The following HS6ST3 variants were observed in gnomAD, a reference collection of about 807,000 sequenced individuals.
HS6ST3 encodes the protein heparan-sulfate 6-O-sulfotransferase 3.
HS6ST3 carries 12 observed loss-of-function variants against 36.7 expected under a neutral mutation model. The ratio of observed to expected loss-of-function variants is 0.33; its 90% confidence interval spans 0.21 to 0.53. HS6ST3 has a LOEUF of 0.53. HS6ST3 is among the 20% of genes least tolerant of loss of function. The pLI, the probability that HS6ST3 is intolerant of heterozygous loss-of-function variation, is 0.95. For synonymous variants in HS6ST3, 240 were observed against 257.5 expected, an observed-to-expected ratio of 0.93 and a Z score of 0.65; for missense variants, 584 against 640.9, an observed-to-expected ratio of 0.91 and a Z score of 0.96.
At chr13:96,638,989 T>C (rs2056560613) in intron 1 of HS6ST3, among the ~76,000 whole-genome samples, 1 of 152,060 alleles carries the variant, frequency 6.6e-6, no homozygotes, top group South Asian at 2.1e-4. Context: ...ACATATGGTC[T>C]ATATGGAGAG....
chr13:96,464,223 T>C (rs939646022), intron 1 of HS6ST3, among the ~76,000 whole-genome samples: 1 of 147,442 alleles, frequency 6.8e-6, no homozygotes, highest in Non-Finnish European at 1.5e-5. Context: ...CCCCTCATCA[T>C]GATGATTGCT....
chr13:96,335,206 C>T (rs947019853), intron 1 of HS6ST3, among the ~76,000 whole-genome samples: 1 of 152,080 alleles, frequency 6.6e-6, no homozygotes, highest in African/African-American at 2.4e-5. Flanking sequence ...AGCCTGGGAC[C>T]ACACCAAGGG....
chr13:96,254,157 T>G (rs1403416393), intron 1 of HS6ST3, among the ~76,000 whole-genome samples: 2 of 151,952 alleles, frequency 1.3e-5, no homozygotes, highest in African/African-American at 4.8e-5. Context: ...GGCTCATGCC[T>G]GTAATCCCAG....
intron 1 of HS6ST3, among the ~76,000 whole-genome samples, chr13:96,255,536 A>G (rs1280643543): frequency 6.6e-6 from 1 of 152,164 alleles, no homozygotes; most frequent in African/African-American, 2.4e-5. Context: ...CTAAAATTCT[A>G]GGGCTCTCAA....
chr13:96,574,483 G>A (rs963480958), intron 1 of HS6ST3: 29 of 427,326 alleles, frequency 6.8e-5, no homozygotes, highest in Admixed American at 4.3e-4. Context: ...TTCATGCCCC[G>A]CCCCCTACAA....
At chr13:96,658,358 G>C (rs1347077333) in intron 1 of HS6ST3, among the ~76,000 whole-genome samples, 1 of 139,766 alleles carries the variant, frequency 7.2e-6, no homozygotes, top group Non-Finnish European at 1.5e-5. Context: ...TTGGCTCACT[G>C]CAACCTCTGC....
chr13:96,346,479 G>T (rs1287811925), intron 1 of HS6ST3, among the ~76,000 whole-genome samples: 1 of 151,866 alleles, frequency 6.6e-6, no homozygotes, highest in Non-Finnish European at 1.5e-5. Flanking sequence ...GGAGGCTGAG[G>T]CAGGAGAATG....
chr13:96,275,635 A>G (rs2054744488), intron 1 of HS6ST3, among the ~76,000 whole-genome samples: 1 of 152,214 alleles, frequency 6.6e-6, no homozygotes. Context: ...TATCTAGGGT[A>G]AAAATGCAAT....
At chr13:96,573,852 C>T (rs552256771) in intron 1 of HS6ST3, 417 of 440,848 alleles carry the variant, frequency 9.5e-4, no homozygotes, top group Non-Finnish European at 1.6e-3. Flanking sequence ...TCCCATCACA[C>T]GAATGAATCC....
chr13:96,648,222 T>C (rs2056595414), intron 1 of HS6ST3, among the ~76,000 whole-genome samples: 1 of 152,034 alleles, frequency 6.6e-6, no homozygotes, highest in Non-Finnish European at 1.5e-5. Flanking sequence ...ACACAAGCTG[T>C]CACCTGAAAT....
At chr13:96,392,880 A>G (rs1229376749) in intron 1 of HS6ST3, among the ~76,000 whole-genome samples, 1 of 152,090 alleles carries the variant, frequency 6.6e-6, no homozygotes, top group Non-Finnish European at 1.5e-5. Flanking sequence ...ACATTAGCAT[A>G]TTGTCATTCT....
At chr13:96,395,518 T>C (rs2055416536) in intron 1 of HS6ST3, among the ~76,000 whole-genome samples, 1 of 152,180 alleles carries the variant, frequency 6.6e-6, no homozygotes, top group Admixed American at 6.5e-5. Flanking sequence ...CCTCCCAGTA[T>C]GTGAAACGCC....
At chr13:96,132,789 C>A (rs2053982710) in intron 1 of HS6ST3, among the ~76,000 whole-genome samples, 1 of 152,092 alleles carries the variant, frequency 6.6e-6, no homozygotes, top group South Asian at 2.1e-4. Context: ...CCCTTGTTAT[C>A]TTTTGTCTTT....
chr13:96,330,952 C>T (rs1295503186), intron 1 of HS6ST3, among the ~76,000 whole-genome samples: 1 of 151,832 alleles, frequency 6.6e-6, no homozygotes, highest in Non-Finnish European at 1.5e-5. Context: ...ATCGCTGATA[C>T]CCTTTCTTCC....
intron 1 of HS6ST3, among the ~76,000 whole-genome samples, chr13:96,164,710 G>A (rs563989282): frequency 6.6e-6 from 1 of 152,310 alleles, no homozygotes; most frequent in Non-Finnish European, 1.5e-5. Context: ...AGAAGAAAGG[G>A]ATGATTAGAA....
At chr13:96,144,766 A>G (rs1433241272) in intron 1 of HS6ST3, among the ~76,000 whole-genome samples, 1 of 148,168 alleles carries the variant, frequency 6.7e-6, no homozygotes, top group African/African-American at 2.5e-5. Flanking sequence ...CATTAGGTAT[A>G]TCACCTAATG....
intron 1 of HS6ST3, among the ~76,000 whole-genome samples, chr13:96,509,777 T>A (rs944537378): frequency 2.0e-5 from 3 of 152,230 alleles, no homozygotes; most frequent in African/African-American, 7.2e-5. Flanking sequence ...TCTGGTGATA[T>A]TATGCTTCCA....
chr13:96,692,005 C>G (rs1874973585), intron 1 of HS6ST3, among the ~76,000 whole-genome samples: 1 of 152,102 alleles, frequency 6.6e-6, no homozygotes, highest in Non-Finnish European at 1.5e-5. Context: ...TACTTATACT[C>G]CAACTGCCAT....
chr13:96,603,823 T>G (rs1433922610), intron 1 of HS6ST3, among the ~76,000 whole-genome samples: 1 of 152,188 alleles, frequency 6.6e-6, no homozygotes, highest in African/African-American at 2.4e-5. Context: ...ACTTCACAGT[T>G]TATAACAAAG....
Sources: gnomAD v4.1 joint callset for allele counts (sites outside exome capture counted in the v4.1 genomes callset) on GRCh38, gnomAD v4.1.1 for gene constraint, MANE v1.5 for transcripts, NCBI Gene and HGNC (gene_info 2026-07-23, HGNC 2026-07-21) for gene names.